The following RBFOX1 variants were observed in gnomAD, a reference collection of about 807,000 sequenced individuals.
The protein encoded by RBFOX1 is RNA binding fox-1 homolog 1.
Under a neutral mutation model 57.7 loss-of-function variants are expected in RBFOX1, and 8 were observed. The ratio of observed to expected loss-of-function variants is 0.14; its 90% CI spans 0.08 to 0.25. RBFOX1 has a LOEUF of 0.25. Ranked by LOEUF, RBFOX1 falls within the 10% of genes least tolerant of loss-of-function variation. The pLI is 1.00. For synonymous variants in RBFOX1, 326 were observed against 222.4 expected (o/e 1.47, Z -4.15); for missense variants, 611 against 548.5 (o/e 1.11, Z -1.14).
At chr16:7,231,767 A>G (rs2093506739) in intron 4 of RBFOX1, among the ~76,000 whole-genome samples, 1 of 152,222 alleles carries the variant, frequency 6.6e-6, no homozygotes, top group South Asian at 2.1e-4. Context: ...GATGGACCTC[A>G]AAAACACTGT....
At chr16:7,227,133 A>G (rs996122516) in intron 4 of RBFOX1, among the ~76,000 whole-genome samples, 23 of 152,202 alleles carry the variant, frequency 1.5e-4, no homozygotes, top group Admixed American at 1.2e-3. Flanking sequence ...GAGTTTGAAA[A>G]TCCTGGAGTA....
intron 1 of RBFOX1, among the ~76,000 whole-genome samples, chr16:6,118,759 C>G (rs1191120258): frequency 6.7e-6 from 1 of 148,926 alleles, no homozygotes; most frequent in East Asian, 2.0e-4. Flanking sequence ...CCTTCCTTCT[C>G]TCTTTCTCCC....
intron 3 of RBFOX1, among the ~76,000 whole-genome samples, chr16:5,611,719 T>TATCCATCCATCCATCCGTCCATCC (rs2047802524): frequency 8.7e-6 from 1 of 114,584 alleles, no homozygotes; most frequent in African/African-American, 3.6e-5. Context: ...TCCATCCATC[T>TATCCATCCATCCATCCGTCCATCC]ATCCATCCAT....
intron 4 of RBFOX1, among the ~76,000 whole-genome samples, chr16:7,058,079 G>T (rs1341392607): frequency 6.6e-6 from 1 of 150,862 alleles, no homozygotes; most frequent in African/African-American, 2.4e-5. Context: ...GATATCAGCT[G>T]AACAAAGGAT....
At chr16:5,721,857 C>A (rs1333070926) in intron 3 of RBFOX1, among the ~76,000 whole-genome samples, 1 of 152,158 alleles carries the variant, frequency 6.6e-6, no homozygotes, top group African/African-American at 2.4e-5. Context: ...TAAACCGGTC[C>A]CAGACAGAGG....
At chr16:5,843,264 A>G (rs2056672422) in intron 3 of RBFOX1, among the ~76,000 whole-genome samples, 1 of 152,142 alleles carries the variant, frequency 6.6e-6, no homozygotes, top group Admixed American at 6.5e-5. Context: ...CCCAATAGTT[A>G]TTTATTCTGA....
chr16:6,885,955 G>C (rs950414864), intron 3 of RBFOX1, among the ~76,000 whole-genome samples: 2 of 152,116 alleles, frequency 1.3e-5, no homozygotes, highest in Admixed American at 6.5e-5. Context: ...CTCTTGATTT[G>C]TTTGCTGTCA....
intron 4 of RBFOX1, among the ~76,000 whole-genome samples, chr16:7,131,994 CTTTCT>C (rs2070562489): frequency 9.4e-6 from 1 of 106,102 alleles, no homozygotes; most frequent in Non-Finnish European, 1.8e-5. Context: ...TCCTTTTTTT[CTTTCT>C]TTTTTTTTTT....
At chr16:7,325,743 G>A (rs1015685049) in intron 4 of RBFOX1, among the ~76,000 whole-genome samples, 4 of 152,130 alleles carry the variant, frequency 2.6e-5, no homozygotes, top group East Asian at 1.9e-4. Context: ...AATTTGATGC[G>A]GTTGTGACTT....
At chr16:7,254,507 T>TA (rs1555631893) in intron 4 of RBFOX1, among the ~76,000 whole-genome samples, 11 of 151,618 alleles carry the variant, frequency 7.3e-5, no homozygotes, top group Non-Finnish European at 1.3e-4. Context: ...TCTTTTTTTT[T>TA]ATCAATATAT....
chr16:6,338,532 A>G (rs967234672), intron 2 of RBFOX1, among the ~76,000 whole-genome samples: 3 of 152,242 alleles, frequency 2.0e-5, no homozygotes, highest in African/African-American at 7.2e-5. Context: ...ACAAATTCTC[A>G]TACAGTTGAG....
intron 4 of RBFOX1, among the ~76,000 whole-genome samples, chr16:7,251,499 C>T (rs912712843): frequency 6.6e-6 from 1 of 150,946 alleles, no homozygotes; most frequent in African/African-American, 2.4e-5. Context: ...CAACCTCTGC[C>T]TCGTGGGTTC....
At chr16:6,117,317 A>G (rs543491158) in intron 1 of RBFOX1, among the ~76,000 whole-genome samples, 228 of 152,342 alleles carry the variant, frequency 1.5e-3, no homozygotes, top group African/African-American at 4.9e-3. Flanking sequence ...TACCTTTAAA[A>G]CTCAGAAGAC....
intron 4 of RBFOX1, among the ~76,000 whole-genome samples, chr16:5,984,792 C>T (rs1160449454): frequency 6.6e-6 from 1 of 151,820 alleles, no homozygotes; most frequent in African/African-American, 2.4e-5. Context: ...CCTTTTGCTC[C>T]TAGGCTACAA....
chr16:7,667,974 A>G (rs938733610), intron 13 of RBFOX1, among the ~76,000 whole-genome samples: 11 of 152,188 alleles, frequency 7.2e-5, no homozygotes, highest in Non-Finnish European at 1.2e-4. Flanking sequence ...GCACCAAGCC[A>G]TAAACCTCTT....
At chr16:5,949,837 C>G (rs1049415181) in intron 4 of RBFOX1, among the ~76,000 whole-genome samples, 4 of 152,152 alleles carry the variant, frequency 2.6e-5, no homozygotes, top group African/African-American at 7.2e-5. Context: ...GCCCAGAAAT[C>G]CATTCTAACA....
intron 2 of RBFOX1, among the ~76,000 whole-genome samples, chr16:6,450,149 G>A (rs924273618): frequency 6.6e-5 from 10 of 152,108 alleles, no homozygotes; most frequent in African/African-American, 2.2e-4. Context: ...ATAAATCCTG[G>A]CTTCCCTGTG....
intron 4 of RBFOX1, among the ~76,000 whole-genome samples, chr16:7,480,033 G>A (rs1470934318): frequency 6.6e-6 from 1 of 152,186 alleles, no homozygotes; most frequent in Non-Finnish European, 1.5e-5. Context: ...CGATGTCCAT[G>A]TGCTGACTCA....
At chr16:6,888,967 C>T (rs1167904945) in intron 3 of RBFOX1, among the ~76,000 whole-genome samples, 1 of 152,172 alleles carries the variant, frequency 6.6e-6, no homozygotes, top group Non-Finnish European at 1.5e-5. Flanking sequence ...TATGGGCAGA[C>T]ACAGCTTTTC....
Sources: gnomAD v4.1 joint callset for allele counts (sites outside exome capture counted in the v4.1 genomes callset) on GRCh38, gnomAD v4.1.1 for gene constraint, MANE v1.5 for transcripts, NCBI Gene and HGNC (gene_info 2026-07-23, HGNC 2026-07-21) for gene names.